ARMC3: variants seen among roughly 807,000 people sequenced by gnomAD.
ARMC3 encodes armadillo repeat containing 3, also known as armadillo repeat-containing protein 3.
ARMC3 carries 74 observed loss-of-function variants against 90.3 expected under a neutral mutation model. The observed-to-expected ratio is 0.82, with a 90% CI of 0.68 to 0.99. The LOEUF is 0.99. Ranked by LOEUF, ARMC3 falls within the 50% of genes least tolerant of loss-of-function variation. ARMC3 has a pLI of 0.00. For synonymous variants in ARMC3, 334 were observed against 361.8 expected, an observed-to-expected ratio of 0.92 and a Z score of 0.87; for missense variants, 958 against 1,042.8, an observed-to-expected ratio of 0.92 and a Z score of 1.12.
intron 8 of ARMC3, among the ~76,000 whole-genome samples, chr10:22,973,293 T>TTAATAATAATAATAA (rs148238155): frequency 7.1e-6 from 1 of 140,910 alleles, no homozygotes. Flanking sequence ...AGCAAGACCC[T>TTAATAATAATAATAA]TAATAATAAT....
chr10:22,955,255 C>T (rs1235929735), intron 3 of ARMC3: 2 of 152,220 alleles, frequency 1.3e-5, no homozygotes, highest in African/African-American at 2.4e-5. Context: ...GTCGCTTTGG[C>T]ACATAAAATT....
At chr10:23,003,780 C>A (rs926842093) in intron 13 of ARMC3, among the ~76,000 whole-genome samples, 1 of 151,698 alleles carries the variant, frequency 6.6e-6, no homozygotes, top group Non-Finnish European at 1.5e-5. Flanking sequence ...CTAGAGTGCA[C>A]TATGGTTGTG....
At chr10:22,950,144 G>A (rs1458514446) in intron 3 of ARMC3, among the ~76,000 whole-genome samples, 1 of 151,934 alleles carries the variant, frequency 6.6e-6, no homozygotes, top group South Asian at 2.1e-4. Context: ...AATAAAAAGA[G>A]GCCTTTTAGG....
intron 10 of ARMC3, among the ~76,000 whole-genome samples, chr10:22,991,756 G>A (rs556061408): frequency 1.3e-5 from 2 of 152,314 alleles, no homozygotes; most frequent in Admixed American, 1.3e-4. Context: ...AGTGACATCT[G>A]AGCTGCTGAG....
intron 18 of ARMC3, among the ~76,000 whole-genome samples, chr10:23,036,052 G>A (rs529651203): frequency 6.6e-6 from 1 of 152,052 alleles, no homozygotes; most frequent in Non-Finnish European, 1.5e-5. Flanking sequence ...AAAATTATGC[G>A]ACCTCAGTTT....
intron 1 of ARMC3, 46 bp from the exon 2 acceptor site, chr10:22,931,950 T>G (rs779602450): frequency 1.3e-6 from 2 of 1,522,400 alleles, no homozygotes; most frequent in African/African-American, 2.8e-5. Flanking sequence ...AATTGAGAAA[T>G]GTATGTGCAA....
chr10:23,034,503 G>A (rs1839048415), intron 18 of ARMC3, among the ~76,000 whole-genome samples: 1 of 152,138 alleles, frequency 6.6e-6, no homozygotes, highest in Non-Finnish European at 1.5e-5. Flanking sequence ...AACCATAGAT[G>A]GAGCTGAAAT....
chr10:22,946,006 C>A (rs1385563642), intron 2 of ARMC3, 138 bp from the exon 3 acceptor site: 2 of 521,238 alleles, frequency 3.8e-6, no homozygotes, highest in Admixed American at 7.7e-5. Context: ...TAATGAAAAA[C>A]TTTGCAGTGC....
chr10:22,951,877 TC>T (rs1834751884), intron 3 of ARMC3, among the ~76,000 whole-genome samples: 1 of 152,124 alleles, frequency 6.6e-6, no homozygotes, highest in South Asian at 2.1e-4. Flanking sequence ...ACACCTGTAA[TC>T]TCGGAACTTT....
chr10:22,939,321 A>G (rs1055838313), intron 2 of ARMC3, among the ~76,000 whole-genome samples: 1 of 152,178 alleles, frequency 6.6e-6, no homozygotes, highest in African/African-American at 2.4e-5. Flanking sequence ...GATTCTCTGA[A>G]GTCTAATCTG....
chr10:22,929,061 A>G (rs1359109741), intron 1 of ARMC3, among the ~76,000 whole-genome samples: 4 of 152,014 alleles, frequency 2.6e-5, no homozygotes, highest in Non-Finnish European at 5.9e-5. Context: ...ACCTGTCTCT[A>G]CTGAAAATAC....
intron 16 of ARMC3, among the ~76,000 whole-genome samples, chr10:23,009,442 C>A (rs921430944): frequency 1.3e-5 from 2 of 152,190 alleles, no homozygotes; most frequent in Non-Finnish European, 2.9e-5. Context: ...AATAGAGCAA[C>A]GCTCTTACTT....
At chr10:22,938,579 G>T (rs60322907) in intron 2 of ARMC3, among the ~76,000 whole-genome samples, 1 of 152,096 alleles carries the variant, frequency 6.6e-6, no homozygotes, top group Non-Finnish European at 1.5e-5. Flanking sequence ...AAGAAGATGA[G>T]ATGTGGCCAG....
rs967973969 is a variant in ARMC3, at chr10:23,014,317, A to C, written c.2045+5386A>C. ...ATCACCTAGCACACTTAGGGGCTCA[A>C]TGTGCGTCCCTTCTCTCTTCCCTTC... On this transcript the variant is annotated intron_variant, in intron 16 of 18. Transcript: ENST00000298032. 7.8e-6 allele frequency: 11 copies of C among 1,411,746 alleles called. No individual in the cohort carries two copies. The South Asian group carries it at 1.4e-4, about 18-fold the overall frequency. The allele number at this position is 1,411,746 out of a possible 1,614,324, so 87.5% of individuals were successfully genotyped here.
chr10:23,008,654 C>A (rs996807648), intron 15 of ARMC3, among the ~76,000 whole-genome samples, 161 bp from the exon 16 acceptor site: 2 of 152,098 alleles, frequency 1.3e-5, no homozygotes, highest in African/African-American at 4.8e-5. Context: ...CGAAATAACA[C>A]CGGGTCCCTG....
chr10:22,965,828 T>C (rs551315467), intron 7 of ARMC3, among the ~76,000 whole-genome samples: 43 of 152,332 alleles, frequency 2.8e-4, no homozygotes, highest in African/African-American at 9.9e-4. Context: ...TTTTGTACTT[T>C]TCAAGTCTTA....
intron 2 of ARMC3, among the ~76,000 whole-genome samples, chr10:22,934,072 G>A (rs1834030660): frequency 6.6e-6 from 1 of 152,134 alleles, no homozygotes; most frequent in Non-Finnish European, 1.5e-5. Flanking sequence ...TGTACACATT[G>A]TAAATGAAAA....
rs11819601 is a variant in ARMC3, at chr10:23,008,328, A to G, written c.1882A>G (p.Ile628Val). The change falls in exon 15 of 19, where the codon ATT (isoleucine) becomes GTT (valine). Residue 628 changes from isoleucine (I) to valine (V), a missense_variant. Coordinates refer to ENST00000298032, the MANE Select transcript of ARMC3 (RefSeq NM_173081.5). ...ATCAGATGTTGGTTATGGACGAAGT[A>G]TTTCTTCTTCATCTTCCTTAAGAAG... ...DKSDVGYGRS[I>V]SSSSSLRRSS... 2,812 of 1,557,944 alleles carry G rather than the reference A, an allele frequency of 1.8e-3. 40 individuals are homozygous for G. The African/African-American group carries it at 0.033, about 18-fold the overall frequency.
chr10:22,953,480 C>T (rs1409802467), intron 3 of ARMC3, among the ~76,000 whole-genome samples: 1 of 152,090 alleles, frequency 6.6e-6, no homozygotes, highest in Admixed American at 6.6e-5. Context: ...ATCTGACATC[C>T]ACTCCTGATA....
Sources: allele counts gnomAD v4.1 joint callset (sites outside exome capture counted in the v4.1 genomes callset), GRCh38; gene constraint gnomAD v4.1.1; transcripts MANE v1.5; gene names NCBI Gene and HGNC (gene_info 2026-07-23, HGNC 2026-07-21).